The following SORL1 variants were observed in gnomAD, a reference collection of about 807,000 sequenced individuals.
SORL1 encodes the protein sortilin related receptor 1.
SORL1 carries 127 observed loss-of-function variants against 273.7 expected under a neutral mutation model. The ratio of observed to expected loss-of-function variants is 0.46; its 90% CI spans 0.40 to 0.54. The LOEUF (loss-of-function observed/expected upper bound fraction) is 0.54, where lower values mean the gene tolerates loss of function less well. SORL1 is among the 20% of genes least tolerant of loss of function. SORL1 has a pLI of 0.00. For synonymous variants in SORL1, 1,031 were observed against 1,067.4 expected, an observed-to-expected ratio of 0.97 and a Z score of 0.66; for missense variants, 2,494 against 2,846.1, an observed-to-expected ratio of 0.88 and a Z score of 2.81.
In SORL1 at chr11:121,608,111, C is replaced by T. The variant is rs762980840; in HGVS notation, c.5174C>T (p.Ala1725Val). 17 of 1,613,168 alleles carry T rather than the reference C, an allele frequency of 1.1e-5. No individual in the cohort carries two copies. Among genetic ancestry groups the T allele is most frequent in the Admixed American group, 5.0e-5 (3 of 60,000 alleles). ...VNTLYTVRVA[A>V]VTSRGIGNWS... is the part of the protein sequence containing the mutation. ...ACCCTCTGATTTGAAAAGGTGGCTG[C>T]GGTGACTAGTCGTGGAATAGGAAAC... The change falls in exon 38 of 48, where the codon GCG becomes GTG. Residue 1725 changes from alanine to valine, a missense_variant. Around this residue, in one of 3 missense-constraint regions of SORL1, gnomAD observed 1,609 missense variants for 1,816.4 expected, o/e 0.89. Transcript: ENST00000260197.
chr11:121,462,524 A>C (rs144678414), intron 1 of SORL1, among the ~76,000 whole-genome samples: 2 of 152,326 alleles, frequency 1.3e-5, no homozygotes, highest in Middle Eastern at 3.4e-3. Flanking sequence ...TAGTTGTTTA[A>C]TGCGTGTTTT....
At chr11:121,587,503 G>C (rs1180033663) in intron 27 of SORL1, among the ~76,000 whole-genome samples, 1 of 152,140 alleles carries the variant, frequency 6.6e-6, no homozygotes, top group Non-Finnish European at 1.5e-5. Flanking sequence ...CATTCTTATG[G>C]TTTCATTTAA....
At chr11:121,615,423 T>C (rs1863626098) in intron 41 of SORL1, among the ~76,000 whole-genome samples, 4 of 152,092 alleles carry the variant, frequency 2.6e-5, no homozygotes, top group Admixed American at 2.0e-4. Flanking sequence ...TCCTCCCTTC[T>C]ATAGTTGATC....
chr11:121,509,501 G>A (rs1861841719), intron 6 of SORL1, among the ~76,000 whole-genome samples: 1 of 151,972 alleles, frequency 6.6e-6, no homozygotes. Flanking sequence ...TTTCTGAGAT[G>A]GAGTCTTGCT....
intron 25 of SORL1, among the ~76,000 whole-genome samples, chr11:121,579,072 A>T (rs928998895): frequency 2.0e-5 from 3 of 152,186 alleles, no homozygotes; most frequent in African/African-American, 4.8e-5. Context: ...GCCTTACTCA[A>T]ATTTGCATTT....
At chr11:121,497,999 C>T (rs1861656892) in intron 6 of SORL1, among the ~76,000 whole-genome samples, 1 of 152,104 alleles carries the variant, frequency 6.6e-6, no homozygotes, top group African/African-American at 2.4e-5. Context: ...GAGAGGATCT[C>T]CCCAGCAGGA....
At chr11:121,568,004 G>C (rs1309206758) in intron 22 of SORL1, among the ~76,000 whole-genome samples, 3 of 152,178 alleles carry the variant, frequency 2.0e-5, no homozygotes, top group Non-Finnish European at 4.4e-5. Context: ...GGGCTCAAGG[G>C]ATCCTCCTGT....
chr11:121,545,206 G>C, intron 13 of SORL1, 37 bp from the exon 14 acceptor site: 1 of 1,606,318 alleles, frequency 6.2e-7, no homozygotes, highest in Non-Finnish European at 8.5e-7. Flanking sequence ...ACATGGGCCT[G>C]CCTCTAATGC....
Position 121,625,134 on chromosome 11 carries a change from T to A in SORL1, c.6221T>A (p.Leu2074His). 1 of 1,613,572 alleles carries A rather than the reference T, an allele frequency of 6.2e-7. No homozygotes were observed. Among genetic ancestry groups the A allele is most frequent in the African/African-American group, 1.3e-5 (1 of 75,038 alleles). Residue 2074 changes from leucine (L) to histidine (H), a missense_variant, in exon 46 of 48, where the codon CTT (leucine) becomes CAT (histidine). Transcript: ENST00000260197. ...FDSAMNITAY[L>H]GNTTDNFFKI... Reference sequence around the variant, plus strand: ...AGTGCCATGAATATCACAGCTTACCTTGGGAATACTACTGACAATTTCTTT... The same window carrying A: ...AGTGCCATGAATATCACAGCTTACCATGGGAATACTACTGACAATTTCTTT...
At chr11:121,458,235 C>T (rs1479041695) in intron 1 of SORL1, among the ~76,000 whole-genome samples, 1 of 152,106 alleles carries the variant, frequency 6.6e-6, no homozygotes, top group East Asian at 1.9e-4. Context: ...AGTTTGCATT[C>T]TTTGATCTAT....
intron 2 of SORL1, among the ~76,000 whole-genome samples, chr11:121,473,819 C>A (rs956517327): frequency 3.3e-5 from 5 of 151,924 alleles, no homozygotes; most frequent in African/African-American, 9.7e-5. Context: ...CACTTGAATC[C>A]GGGAGGCGGA....
At chr11:121,512,266 A>G (rs1388813762) in intron 6 of SORL1, among the ~76,000 whole-genome samples, 1 of 152,228 alleles carries the variant, frequency 6.6e-6, no homozygotes, top group Non-Finnish European at 1.5e-5. Context: ...CCTTTTGTAT[A>G]TGAATAAACT....
At chr11:121,591,461 G>T (rs963823346) in intron 31 of SORL1, among the ~76,000 whole-genome samples, 5 of 152,194 alleles carry the variant, frequency 3.3e-5, no homozygotes, top group African/African-American at 9.7e-5. Flanking sequence ...TGCCACCTTT[G>T]CTGCCTTCTT....
intron 32 of SORL1, among the ~76,000 whole-genome samples, chr11:121,598,971 CCTTTGAGT>C (rs1455590528): frequency 6.6e-6 from 1 of 151,800 alleles, no homozygotes; most frequent in Admixed American, 6.6e-5. Context: ...CAAGAAACAC[CCTTTGAGT>C]CTTTCCAATT....
chr11:121,467,539 A>AT (rs112850541), intron 1 of SORL1, among the ~76,000 whole-genome samples: 2,860 of 150,410 alleles, frequency 0.019, 44 homozygotes, highest in African/African-American at 0.044. Context: ...AACATGGGTG[A>AT]TTTTTTTTTT....
Position 121,452,655 on chromosome 11 carries a change from C to T in SORL1, c.285+39C>T. On this transcript the variant is annotated intron_variant, in intron 1 of 47. Coordinates refer to ENST00000260197, the MANE Select transcript of SORL1 (RefSeq NM_003105.6). This position sits in a 1 kb window ranked among gnomAD's most constrained non-coding sequence, Gnocchi z 5.3. Reference sequence around the variant, plus strand: ...CAACCCGCCTCCCTCCAGTTTTTTCCTCTCCCTGCACTTCCTCACCCCCGC... The same window carrying T: ...CAACCCGCCTCCCTCCAGTTTTTTCTTCTCCCTGCACTTCCTCACCCCCGC... 7.1e-7 allele frequency: 1 copy of T among 1,412,238 alleles called. No homozygotes were observed. Among genetic ancestry groups the T allele is most frequent in the Non-Finnish European group, 9.2e-7 (1 of 1,084,410 alleles). The allele number at this position is 1,412,238 out of a possible 1,614,324, so 87.5% of individuals were successfully genotyped here.
intron 5 of SORL1, among the ~76,000 whole-genome samples, chr11:121,490,429 G>GT (rs56335695): frequency 1 from 152,056 of 152,058 alleles, 76,027 homozygotes; most frequent in Middle Eastern, 1. Flanking sequence ...AGAAGTGGGA[G>GT]TTTTTCTCTA....
rs80147522 is a variant in SORL1, at chr11:121,545,682, A to G, written c.2051+253A>G. On this transcript the variant is annotated intron_variant, in intron 14 of 47. Transcript: ENST00000260197. ...GCTGCAGCTATTTCTACAGGAATAGATAGCTCTGGGATTTATTTCTATTAG... is the reference window on the plus strand; with the variant it reads ...GCTGCAGCTATTTCTACAGGAATAGGTAGCTCTGGGATTTATTTCTATTAG... Among the ~76,000 whole-genome samples, 10,363 of 152,282 alleles carry G rather than the reference A, an allele frequency of 0.068. 486 individuals are homozygous for G. The highest frequency in any genetic ancestry group is 0.12 in the East Asian group (637 of 5,190).
intron 1 of SORL1, among the ~76,000 whole-genome samples, chr11:121,461,449 G>A (rs2134769453): frequency 6.6e-6 from 1 of 152,350 alleles, no homozygotes; most frequent in Non-Finnish European, 1.5e-5. Flanking sequence ...GTAGCCCAGA[G>A]GGCATCTCCT....
Sources: gnomAD v4.1 joint callset for allele counts (sites outside exome capture counted in the v4.1 genomes callset) on GRCh38, gnomAD v4.1.1 for gene constraint, gnomAD v4.1.1 regional missense constraint, Gnocchi (gnomAD v3.1) non-coding constraint, MANE v1.5 for transcripts, NCBI Gene and HGNC (gene_info 2026-07-23, HGNC 2026-07-21) for gene names.